HMCN1: variants seen among roughly 807,000 people sequenced by gnomAD.
HMCN1 encodes hemicentin 1.
In HMCN1, 321 loss-of-function variants were observed where a neutral mutation model predicts 625.9. The observed-to-expected ratio is 0.51, with a 90% CI of 0.47 to 0.56. The LOEUF (loss-of-function observed/expected upper bound fraction) is 0.56. HMCN1 is among the 20% of genes least tolerant of loss of function. The pLI is 0.00. For missense variants in HMCN1, 6,588 were observed against 6,887.3 expected, an observed-to-expected ratio of 0.96 and a Z score of 1.54; for synonymous variants, 2,425 against 2,417.6, an observed-to-expected ratio of 1.00 and a Z score of -0.09.
chr1:186,056,816 G>C (rs1173872670), intron 45 of HMCN1, among the ~76,000 whole-genome samples: 1 of 151,708 alleles, frequency 6.6e-6, no homozygotes, highest in African/African-American at 2.4e-5. Flanking sequence ...CTACGTGACA[G>C]GATCAATCAT....
intron 14 of HMCN1, among the ~76,000 whole-genome samples, chr1:185,969,810 G>T (rs1571637039): frequency 6.6e-6 from 1 of 152,164 alleles, no homozygotes; most frequent in South Asian, 2.1e-4. Context: ...TCTTTGGAAA[G>T]GAGATGCCCT....
intron 7 of HMCN1, among the ~76,000 whole-genome samples, 158 bp downstream of exon 7, chr1:185,922,657 T>C (rs998970079): frequency 6.6e-6 from 1 of 152,214 alleles, no homozygotes; most frequent in African/African-American, 2.4e-5. Flanking sequence ...TTTCTCAAAG[T>C]GTAATCCCAA....
intron 41 of HMCN1, among the ~76,000 whole-genome samples, chr1:186,046,364 G>A (rs1255996443): frequency 6.6e-6 from 1 of 152,114 alleles, no homozygotes; most frequent in East Asian, 1.9e-4. Flanking sequence ...AGCTACTTGG[G>A]AGACTGAGGA....
At chr1:186,112,720 A>G in intron 71 of HMCN1, 92 bp from the exon 72 acceptor site, 1 of 1,470,316 alleles carries the variant, frequency 6.8e-7, no homozygotes, top group Non-Finnish European at 9.4e-7. Context: ...GCAGGTCCAC[A>G]GTTCACTATA....
intron 30 of HMCN1, among the ~76,000 whole-genome samples, chr1:186,014,837 C>T (rs1654253408): frequency 6.6e-6 from 1 of 152,058 alleles, no homozygotes; most frequent in Admixed American, 6.6e-5. Context: ...CTTGCTGTGT[C>T]TCCTTTGAGT....
chr1:185,803,205 C>CAAAAAAAAAAAAAAAAAAAAAAAAAAG, intron 1 of HMCN1, among the ~76,000 whole-genome samples: 15 of 58,788 alleles, frequency 2.6e-4, no homozygotes, highest in Non-Finnish European at 3.3e-4. Flanking sequence ...AAAAAAAAAG[C>CAAAAAAAAAAAAAAAAAAAAAAAAAAG]AAAAAAAAAA....
chr1:185,894,463 A>T, intron 4 of HMCN1, among the ~76,000 whole-genome samples: 1 of 152,202 alleles, frequency 6.6e-6, no homozygotes, highest in East Asian at 1.9e-4. Flanking sequence ...ACATTCTAGG[A>T]CATTTCATTT....
intron 1 of HMCN1, among the ~76,000 whole-genome samples, chr1:185,746,345 T>C (rs1825398): frequency 0.048 from 7,245 of 152,266 alleles, 489 homozygotes; most frequent in African/African-American, 0.16. Flanking sequence ...CTAGGGCTGC[T>C]ATAGCAAACT....
rs74136044 is a variant in HMCN1, at chr1:186,132,437, C to T, written c.13312+28C>T. ...AAGCTGCTTAATGAAACTAATTAAA[C>T]ACTTGATTTAGGAAATATTACCTAA... On this transcript the variant is annotated intron_variant, in intron 86 of 106. Transcript: ENST00000271588. 1.9e-3 allele frequency: 2,933 copies of T among 1,524,192 alleles called. 42 individuals are homozygous for T. The African/African-American group carries it at 0.031, about 16-fold the overall frequency. The allele number at this position is 1,524,192 out of a possible 1,614,324, so 94.4% of individuals were successfully genotyped here. A position where few individuals can be genotyped will look rare whatever the true frequency, so the allele number is the denominator to read the frequency against.
Position 186,095,277 on chromosome 1 carries a change from G to A in HMCN1, c.10329G>A (p.Glu3443=). The change falls in exon 68 of 107, where the codon GAG becomes GAA. Residue 3443 remains glutamate, a synonymous_variant. Transcript: ENST00000271588. ...PPNMDNSMGT[E]EITVLKGSST... Reference sequence around the variant, plus strand: ...ATATGGACAATTCAATGGGGACAGAGGAAATCACAGTTCTCAAAGGTAGTT... The same window carrying A: ...ATATGGACAATTCAATGGGGACAGAAGAAATCACAGTTCTCAAAGGTAGTT... 1 of 1,613,740 alleles carries A rather than the reference G, an allele frequency of 6.2e-7. No homozygotes were observed.
In HMCN1 at chr1:186,069,691, A is replaced by C. The variant is rs141026694; in HGVS notation, c.7908A>C (p.Ala2636=). The change falls in exon 51 of 107, where the codon GCA becomes GCC. Residue 2636 remains alanine, a synonymous_variant. Transcript: ENST00000271588. ...GCAGAACTCTGCAGATCCTCAATGC[A>C]CAGGAGGACAATGCTGGAAGATACT... ...PGGRTLQILN[A]QEDNAGRYSC... 2.3e-5 allele frequency: 37 copies of C among 1,613,066 alleles called. No individual in the cohort carries two copies. The East Asian group carries it at 8.3e-4, about 36-fold the overall frequency.
Position 186,112,969 on chromosome 1 carries a change from C to G in HMCN1, c.11131+16C>G. On this transcript the variant is annotated intron_variant, in intron 72 of 106. Transcript: ENST00000271588. ...ACTGTAAATGGTAAGAAAAGGTATTCATTGTTCCACAATTTAAAAATCTGA... is the reference window on the plus strand; with the variant it reads ...ACTGTAAATGGTAAGAAAAGGTATTGATTGTTCCACAATTTAAAAATCTGA... 6.2e-7 allele frequency: 1 copy of G among 1,613,160 alleles called. No individual in the cohort carries two copies. The highest frequency in any genetic ancestry group is 8.5e-7 in the Non-Finnish European group (1 of 1,179,684).
chr1:185,865,654 T>A, intron 3 of HMCN1, 87 bp from the exon 4 acceptor site: 2 of 1,006,250 alleles, frequency 2.0e-6, no homozygotes, highest in Non-Finnish European at 3.0e-6. Flanking sequence ...ACTTGCCCAG[T>A]AATGTAACAC....
rs60502467 is a variant in HMCN1 at position 185,909,500 on chromosome 1, A to G, written c.785A>G (p.Asn262Ser). Residue 262 changes from asparagine (N) to serine (S), a missense_variant, in exon 5 of 107, where the codon AAT becomes AGT. Asn to Ser is a conservative substitution (Grantham distance 46). Coordinates refer to ENST00000271588, the MANE Select transcript of HMCN1 (RefSeq NM_031935.3). ...CCTTCTCCAATGATTGAAATTCGCA[A>G]TCCTTTAGGTGAGATATATCAAACA... ...SGPSPMIEIR[N>S]PLGKLIKKGF... 1,046 of 1,612,852 alleles carry G rather than the reference A, an allele frequency of 6.5e-4. 6 individuals are homozygous for G. In the African/African-American group the frequency reaches 7.4e-3, roughly 11 times the overall value.
At position 186,145,828 on chromosome 1, in the gene HMCN1, A is replaced by G. The variant is rs1431718011; in HGVS notation, c.14513A>G (p.Lys4838Arg). Reference sequence around the variant, plus strand: ...TGTGGAGGAGGTGAAAAGACTCGGAAGCGGCTGTGCGACCATCCTGTGCCA... The same window carrying G: ...TGTGGAGGAGGTGAAAAGACTCGGAGGCGGCTGTGCGACCATCCTGTGCCA... ...ASCGGGEKTR[K>R]RLCDHPVPVK... Residue 4838 changes from lysine (K) to arginine (R), a missense_variant, in exon 93 of 107, where the codon AAG becomes AGG. This residue lies in a region of HMCN1 where 1,954 missense variants were observed against 2,013.1 expected (regional missense o/e 0.97). Transcript: ENST00000271588. 1.2e-6 allele frequency: 2 copies of G among 1,613,974 alleles called. No individual in the cohort carries two copies. Among genetic ancestry groups the G allele is most frequent in the East Asian group, 2.2e-5 (1 of 44,868 alleles).
In HMCN1 at chr1:185,864,262, G is replaced by A. The variant is rs571696062; in HGVS notation, c.340-208G>A. The stretch of plus-strand genomic sequence containing the variant: ...ATAGCTATTATTTTGTGTGTTTTGG[G>A]TGAATTTCTAACTTATCCTTAAGTA... On this transcript the variant is annotated intron_variant, in intron 2 of 106. Transcript: ENST00000271588. Among the ~76,000 whole-genome samples, 6 of 152,168 alleles carry A rather than the reference G, an allele frequency of 3.9e-5. No individual in the cohort carries two copies. The South Asian group carries it at 1.0e-3, about 26-fold the overall frequency.
intron 71 of HMCN1, among the ~76,000 whole-genome samples, chr1:186,109,315 C>T (rs978168200): frequency 1.3e-5 from 2 of 152,140 alleles, no homozygotes; most frequent in Non-Finnish European, 2.9e-5. Context: ...CTACCACCAC[C>T]ACCAAACCAC....
In HMCN1 at chr1:185,990,378, G is replaced by A. The variant is rs1241113614; in HGVS notation, c.3312G>A (p.Lys1104=). The part of the protein sequence containing the change: ...GEEVTLPCEV[K]SLPPPIITWA... ...AGGTAACACTTCCATGTGAAGTGAA[G>A]AGCTTACCTCCACCCATAATTACTT... The change falls in exon 22 of 107, where the codon AAG becomes AAA. Residue 1104 remains lysine (K), a synonymous_variant. Coordinates refer to ENST00000271588, the MANE Select transcript of HMCN1 (RefSeq NM_031935.3). 2 of 1,613,820 alleles carry A rather than the reference G, an allele frequency of 1.2e-6. No individual in the cohort carries two copies. The highest frequency in any genetic ancestry group is 1.7e-6 in the Non-Finnish European group (2 of 1,179,820).
At chr1:186,145,287 T>G (rs1407413498) in intron 91 of HMCN1, 116 bp from the exon 92 acceptor site, 4 of 1,032,718 alleles carry the variant, frequency 3.9e-6, no homozygotes, top group Non-Finnish European at 5.6e-6. Flanking sequence ...ACTTGCATGT[T>G]TTGTTTTAGG....
Sources: allele counts gnomAD v4.1 joint callset (sites outside exome capture counted in the v4.1 genomes callset), GRCh38; gene constraint gnomAD v4.1.1; regional missense constraint gnomAD v4.1.1; transcripts MANE v1.5; gene names NCBI Gene and HGNC (gene_info 2026-07-23, HGNC 2026-07-21).